Variants in SKP1 observed in about 807,000 individuals in gnomAD.
The protein encoded by SKP1 is S-phase kinase associated protein 1, also known as S-phase kinase-associated protein 1.
SKP1 carries 1 observed loss-of-function variant against 21.5 expected under a neutral mutation model. That is an observed-to-expected ratio of 0.05 (90% CI 0.02 to 0.22). The LOEUF is 0.22. Ranked by LOEUF, SKP1 falls within the 10% of genes least tolerant of loss-of-function variation. SKP1 has a pLI of 1.00. For missense variants in SKP1, 70 were observed against 192.0 expected (o/e 0.36, Z 3.76); for synonymous variants, 59 against 59.3 (o/e 0.99, Z 0.03).
At chr5:134,159,020 A>C (rs1325629813) in intron 4 of SKP1, among the ~76,000 whole-genome samples, 2 of 152,174 alleles carry the variant, frequency 1.3e-5, no homozygotes, top group East Asian at 3.8e-4. Context: ...TTTCTATTTC[A>C]TTGATTTCTG....
At chr5:134,163,209 T>A (rs1761251663) in intron 3 of SKP1, among the ~76,000 whole-genome samples, 1 of 3,426 alleles carries the variant, frequency 2.9e-4, no homozygotes, top group African/African-American at 4.9e-3. Context: ...AGTGCGATTC[T>A]GTCAAAAAAA....
rs1761043739 is a variant in SKP1, at chr5:134,151,592, T to C, written c.*6141A>G. Reference sequence around the variant, plus strand: ...CAGTGTGCAATAAGAGGCTGCTATATAGCAGGTTGAAAATTTGAAGTTAAG... The same window carrying C: ...CAGTGTGCAATAAGAGGCTGCTATACAGCAGGTTGAAAATTTGAAGTTAAG... On this transcript the variant is annotated 3_prime_UTR_variant, in exon 6 of 6. Transcript: ENST00000353411. 5 of 448,080 alleles carry C rather than the reference T, an allele frequency of 1.1e-5. No homozygotes were observed. The highest frequency in any genetic ancestry group is 7.0e-5 in the East Asian group (1 of 14,356). The allele number at this position is 448,080 out of a possible 1,614,324, so 27.8% of individuals were successfully genotyped here. A position where few individuals can be genotyped will look rare whatever the true frequency, so the allele number is the denominator to read the frequency against.
At chr5:134,158,297 A>G in intron 5 of SKP1, 158 bp downstream of exon 5, 1 of 1,517,176 alleles carries the variant, frequency 6.6e-7, no homozygotes, top group Non-Finnish European at 8.8e-7. Flanking sequence ...CAGATTCATA[A>G]AGACAGAACA....
At chr5:134,172,436 G>C (rs1193204197) in intron 2 of SKP1, among the ~76,000 whole-genome samples, 1 of 151,854 alleles carries the variant, frequency 6.6e-6, no homozygotes, top group Non-Finnish European at 1.5e-5. Context: ...TCACCCCACT[G>C]GTAACACTAA....
chr5:134,160,596 C>T (rs1411232483), intron 4 of SKP1, among the ~76,000 whole-genome samples: 1 of 152,128 alleles, frequency 6.6e-6, no homozygotes, highest in African/African-American at 2.4e-5. Context: ...AAAAACTGAT[C>T]CCCTTATCAG....
intron 1 of SKP1, among the ~76,000 whole-genome samples, chr5:134,175,887 A>G (rs1021478889): frequency 2.0e-5 from 3 of 152,222 alleles, no homozygotes; most frequent in African/African-American, 7.2e-5. Flanking sequence ...GCACTTGTAA[A>G]TAATTCTCCA....
chr5:134,173,775 G>A (rs1465200574), intron 2 of SKP1, 151 bp downstream of exon 2: 1 of 703,054 alleles, frequency 1.4e-6, no homozygotes, highest in South Asian at 1.5e-5. Context: ...ACCTGTATCA[G>A]AAAAATGTAA....
At chr5:134,159,826 C>T (rs55682572) in intron 4 of SKP1, among the ~76,000 whole-genome samples, 7,210 of 151,842 alleles carry the variant, frequency 0.047, 490 homozygotes, top group African/African-American at 0.15. Flanking sequence ...GGATTATAGG[C>T]GTGAGCCACC....
chr5:134,151,177 A>AAACCC lies in SKP1; in HGVS notation c.*6555_*6556insGGGTT, dbSNP rs1761037488. 6.6e-6 allele frequency: 1 copy of AAACCC among 152,488 alleles called. No individual in the cohort carries two copies. Among genetic ancestry groups the AAACCC allele is most frequent in the Non-Finnish European group, 1.5e-5 (1 of 68,290 alleles). 9.4% of individuals were successfully genotyped at this position (152,488 alleles called of 1,614,324 possible). A position where few individuals can be genotyped will look rare whatever the true frequency, so the allele number is the denominator to read the frequency against. On this transcript the variant is annotated 3_prime_UTR_variant, in exon 6 of 6. Coordinates refer to ENST00000353411, the MANE Select transcript of SKP1 (RefSeq NM_170679.3). ...CATATTCACCAGGGGCTCTGGACCA[A>AAACCC]GTCTTCCTTTTTCATTCAAGTGTTC...
intron 2 of SKP1, 147 bp downstream of exon 2, chr5:134,173,779 A>C (rs1009852665): frequency 7.1e-6 from 5 of 706,034 alleles, no homozygotes; most frequent in Admixed American, 4.0e-5. Flanking sequence ...GTATCAGAAA[A>C]ATGTAAGTTA....
chr5:134,174,081 A>G, intron 1 of SKP1, 59 bp from the exon 2 acceptor site: 1 of 1,032,568 alleles, frequency 9.7e-7, no homozygotes, highest in Non-Finnish European at 1.5e-6. Context: ...ATGACATTTC[A>G]TCAACTACAG....
At chr5:134,173,772 T>C in intron 2 of SKP1, 154 bp downstream of exon 2, 1 of 701,216 alleles carries the variant, frequency 1.4e-6, no homozygotes. Context: ...ATGACCTGTA[T>C]CAGAAAAATG....
intron 3 of SKP1, among the ~76,000 whole-genome samples, chr5:134,164,938 A>G (rs1761298378): frequency 6.6e-6 from 1 of 152,198 alleles, no homozygotes; most frequent in African/African-American, 2.4e-5. Context: ...GCCAGATACA[A>G]AAGGACTAAT....
Position 134,160,975 on chromosome 5 carries a change from T to A in SKP1, c.315+12A>T. ...CTCTAGAGTAGAGCTATCTTACACA[T>A]TAAAAACTTACCAGAATGAGTTCAA... is the stretch of plus-strand genomic sequence containing the variant. On this transcript the variant is annotated intron_variant, in intron 4 of 5. Transcript: ENST00000353411. The A allele has an allele frequency of 6.2e-7, 1 of 1,605,324 alleles. No individual in the cohort carries two copies. The highest frequency in any genetic ancestry group is 1.1e-5 in the South Asian group (1 of 90,438).
intron 2 of SKP1, chr5:134,170,958 T>C (rs1393121381): frequency 4.4e-6 from 2 of 450,902 alleles, no homozygotes; most frequent in African/African-American, 2.0e-5. Context: ...CACCTGCCTT[T>C]TAGGGACACT....
At chr5:134,158,370 AC>A in intron 5 of SKP1, 84 bp downstream of exon 5, 1 of 1,610,300 alleles carries the variant, frequency 6.2e-7, no homozygotes, top group South Asian at 1.1e-5. Flanking sequence ...ACTACTTGAT[AC>A]AGTCACCTCT....
At chr5:134,162,154 C>A (rs148771193) in intron 3 of SKP1, among the ~76,000 whole-genome samples, 1 of 152,292 alleles carries the variant, frequency 6.6e-6, no homozygotes, top group Non-Finnish European at 1.5e-5. Flanking sequence ...GTCACCCAGG[C>A]TGGAATGCAG....
intron 3 of SKP1, among the ~76,000 whole-genome samples, chr5:134,164,190 C>T (rs1271488413): frequency 1.3e-5 from 2 of 151,854 alleles, no homozygotes; most frequent in Non-Finnish European, 2.9e-5. Flanking sequence ...GGCGTGGTGG[C>T]GCGCGCCTGT....
At chr5:134,175,218 A>G (rs1761516341) in intron 1 of SKP1, 1 of 152,270 alleles carries the variant, frequency 6.6e-6, no homozygotes, top group Non-Finnish European at 1.5e-5. Context: ...CAAAGCAAAC[A>G]GGTTGTTAGG....
Sources: gnomAD v4.1 joint callset for allele counts (sites outside exome capture counted in the v4.1 genomes callset) on GRCh38, gnomAD v4.1.1 for gene constraint, MANE v1.5 for transcripts, NCBI Gene and HGNC (gene_info 2026-07-23, HGNC 2026-07-21) for gene names.